Variants in PGAP1 observed in about 807,000 individuals in gnomAD.
PGAP1 encodes the protein post-GPI attachment to proteins inositol deacylase 1.
PGAP1 carries 76 observed loss-of-function variants against 127.0 expected under a neutral mutation model. The observed-to-expected ratio is 0.60, with a 90% CI of 0.50 to 0.72. The LOEUF is 0.72. PGAP1 is among the 30% of genes least tolerant of loss of function. PGAP1 has a pLI of 0.00. For synonymous variants in PGAP1, 362 were observed against 366.5 expected (o/e 0.99, Z 0.14); for missense variants, 982 against 1,071.3 (o/e 0.92, Z 1.16).
chr2:196,913,697 C>T (rs1487492080), intron 3 of PGAP1, among the ~76,000 whole-genome samples: 4 of 152,276 alleles, frequency 2.6e-5, no homozygotes, highest in East Asian at 1.9e-4. Flanking sequence ...TATGTACCAT[C>T]GCTTCTCAAT....
At position 196,873,599 on chromosome 2, in the gene PGAP1, A is replaced by G. The variant is rs2125800944; in HGVS notation, c.1501-20T>C. 6.2e-7 allele frequency: 1 copy of G among 1,607,470 alleles called. No homozygotes were observed. Among genetic ancestry groups the G allele is most frequent in the South Asian group, 1.1e-5 (1 of 90,766 alleles). On this transcript the variant is annotated intron_variant, in intron 15 of 26. Transcript: ENST00000354764. ...GTATATCTAATAGAGTTTGACCACA[A>G]AAACAAAATATAAAGGTTTACTTGT... is the stretch of plus-strand genomic sequence containing the variant.
chr2:196,850,425 C>T (rs1460993821), intron 20 of PGAP1, among the ~76,000 whole-genome samples: 1 of 152,142 alleles, frequency 6.6e-6, no homozygotes, highest in Non-Finnish European at 1.5e-5. Context: ...TCAGGCTCTA[C>T]ATTTTAAGAA....
chr2:196,902,621 T>C lies in PGAP1; in HGVS notation c.771A>G (p.Pro257=). The C allele has an allele frequency of 1.2e-6, 2 of 1,613,438 alleles. No homozygotes were observed. The highest frequency in any genetic ancestry group is 1.1e-5 in the South Asian group (1 of 90,850). Residue 257 remains proline, a synonymous_variant, in exon 5 of 27, where the codon CCA becomes CCG. Transcript: ENST00000354764. The part of the protein sequence containing the change: ...YQVRSGLTFL[P]KLSHHTSALS... ...AGGCACTGGTATGATGGCTTAATTT[T>C]GGTAGAAAAGTCAATCCTGAACGAA... is the stretch of plus-strand genomic sequence containing the variant.
At chr2:196,858,961 T>C (rs1700977584) in intron 20 of PGAP1, among the ~76,000 whole-genome samples, 1 of 152,002 alleles carries the variant, frequency 6.6e-6, no homozygotes, top group Non-Finnish European at 1.5e-5. Context: ...AAGAGACGGA[T>C]AAATTCTTGG....
chr2:196,888,990 T>C (rs950917618), intron 10 of PGAP1, among the ~76,000 whole-genome samples: 1 of 152,204 alleles, frequency 6.6e-6, no homozygotes, highest in Non-Finnish European at 1.5e-5. Flanking sequence ...AAATTCATTC[T>C]TATATTTTCT....
At chr2:196,901,591 T>TTAAC (rs1702492749) in intron 5 of PGAP1, among the ~76,000 whole-genome samples, 2 of 152,204 alleles carry the variant, frequency 1.3e-5, no homozygotes, top group Non-Finnish European at 2.9e-5. Context: ...AGCTAAGATC[T>TTAAC]TAACTGAAGA....
At position 196,920,063 on chromosome 2, in the gene PGAP1, T is replaced by G. The variant is rs1703138315; in HGVS notation, c.235A>C (p.Lys79Gln). The G allele has an allele frequency of 1.2e-6, 2 of 1,613,452 alleles. No homozygotes were observed. The highest frequency in any genetic ancestry group is 3.3e-5 in the Admixed American group (2 of 59,968). ...YGEGSYAEEH[K>Q]ILPLTGIPVL... ...GGAATACCCGTCAAAGGGAGAATTT[T>G]GTGTTCTTCAGCATAGGATCCCTCT... The change falls in exon 2 of 27, where the codon AAA becomes CAA. Residue 79 changes from lysine (K) to glutamine (Q), a missense_variant. Physicochemically the swap from Lys to Gln is moderately conservative, Grantham distance 53 (BLOSUM62 1). Transcript: ENST00000354764.
rs532047897 is a variant in PGAP1, at chr2:196,886,130, G to A, written c.1174-250C>T. 8.6e-5 allele frequency among the ~76,000 whole-genome samples: 13 copies of A among 150,918 alleles called. No individual in the cohort carries two copies. In the South Asian group the frequency reaches 2.3e-3, roughly 27 times the overall value. ...GCAGTTATCCTGGAGCCAAGAGTACGAGAAGGACTGCCCTGACTGGTTATC... is the reference window on the plus strand; with the variant it reads ...GCAGTTATCCTGGAGCCAAGAGTACAAGAAGGACTGCCCTGACTGGTTATC... On this transcript the variant is annotated intron_variant, in intron 10 of 26. Transcript: ENST00000354764.
Position 196,920,087 on chromosome 2 carries a change from C to T in PGAP1, c.211G>A (p.Glu71Lys), listed in dbSNP as rs1319741809. The change falls in exon 2 of 27, where the codon GAG becomes AAG. Residue 71 changes from glutamate to lysine, a missense_variant. By Grantham distance (56) the Glu-to-Lys change is moderately conservative. Transcript: ENST00000354764. ...YPAYELYLYG[E>K]GSYAEEHKIL... The stretch of plus-strand genomic sequence containing the variant: ...TTGTGTTCTTCAGCATAGGATCCCT[C>T]TCCATAAAGATACAACTCATATGCG... 4.3e-6 allele frequency: 7 copies of T among 1,613,396 alleles called. No homozygotes were observed. The highest frequency in any genetic ancestry group is 8.5e-7 in the Non-Finnish European group (1 of 1,179,542).
At chr2:196,856,481 C>T (rs1244496788) in intron 20 of PGAP1, among the ~76,000 whole-genome samples, 1 of 152,198 alleles carries the variant, frequency 6.6e-6, no homozygotes, top group Non-Finnish European at 1.5e-5. Flanking sequence ...CTAGATCCTG[C>T]ATTCTTCTAG....
At chr2:196,883,930 T>C (rs1701812402) in intron 12 of PGAP1, among the ~76,000 whole-genome samples, 1 of 152,190 alleles carries the variant, frequency 6.6e-6, no homozygotes, top group South Asian at 2.1e-4. Flanking sequence ...CTTCTCTCTT[T>C]CAGCATTTGC....
intron 7 of PGAP1, among the ~76,000 whole-genome samples, chr2:196,893,608 T>C (rs1038608967): frequency 3.3e-5 from 5 of 152,334 alleles, no homozygotes; most frequent in African/African-American, 1.2e-4. Flanking sequence ...TAAAAATGTA[T>C]AGAACCAGAA....
chr2:196,861,770 T>G (rs1398892299), intron 20 of PGAP1, among the ~76,000 whole-genome samples: 1 of 152,088 alleles, frequency 6.6e-6, no homozygotes, highest in Non-Finnish European at 1.5e-5. Context: ...TTCCCCAAAT[T>G]AATACTTTTA....
intron 1 of PGAP1, among the ~76,000 whole-genome samples, chr2:196,921,941 G>T (rs1703207562): frequency 1.3e-5 from 2 of 152,074 alleles, no homozygotes; most frequent in East Asian, 1.9e-4. Context: ...CACATTGACA[G>T]AAAAAGCATA....
In PGAP1 at chr2:196,847,899, T is replaced by C. The variant is rs550882632; in HGVS notation, c.1952+48A>G. 1.7e-5 allele frequency: 22 copies of C among 1,319,406 alleles called. No individual in the cohort carries two copies. The South Asian group carries it at 2.9e-4, about 17-fold the overall frequency. The allele number at this position is 1,319,406 out of a possible 1,614,324, so 81.7% of individuals were successfully genotyped here. ...TGCATTATGGAACCAAATATAATGT[T>C]ACATGTAAAACACAATTAAAATCAT... On this transcript the variant is annotated intron_variant, in intron 21 of 26. Coordinates refer to ENST00000354764, the MANE Select transcript of PGAP1 (RefSeq NM_024989.4).
intron 4 of PGAP1, among the ~76,000 whole-genome samples, chr2:196,905,762 AGCAGGGCGAG>A (rs1702686915): frequency 6.8e-6 from 1 of 146,066 alleles, no homozygotes; most frequent in Non-Finnish European, 1.5e-5. Flanking sequence ...CGCGAGCCGA[AGCAGGGCGAG>A]GCATTGCCTC....
chr2:196,842,709 A>G lies in PGAP1; in HGVS notation c.2630+12T>C. ...AACAGATATAAGAAAAAGAAAGATT[A>G]AACTACTGTACCTTGATTTTATTGA... On this transcript the variant is annotated intron_variant, in intron 26 of 26. Transcript: ENST00000354764. 7.1e-7 allele frequency: 1 copy of G among 1,398,890 alleles called. No individual in the cohort carries two copies. Among genetic ancestry groups the G allele is most frequent in the Non-Finnish European group, 9.8e-7 (1 of 1,020,596 alleles). 86.7% of individuals were successfully genotyped at this position (1,398,890 alleles called of 1,614,324 possible).
chr2:196,875,834 A>C lies in PGAP1; in HGVS notation c.1351-13T>G. The C allele has an allele frequency of 7.9e-7, 1 of 1,273,794 alleles. No individual in the cohort carries two copies. The highest frequency in any genetic ancestry group is 1.1e-6 in the Non-Finnish European group (1 of 886,576). The allele number at this position is 1,273,794 out of a possible 1,614,324, so 78.9% of individuals were successfully genotyped here. On this transcript the variant is annotated splice_polypyrimidine_tract_variant and intron_variant, in intron 13 of 26. Transcript: ENST00000354764. ...AATCTACAACAAACTGAAATATAAA[A>C]CATTGATTTATTAGAAAAAGTAAGT...
intron 19 of PGAP1, among the ~76,000 whole-genome samples, chr2:196,866,561 G>A (rs955877586): frequency 3.3e-5 from 5 of 152,122 alleles, no homozygotes; most frequent in Non-Finnish European, 7.4e-5. Flanking sequence ...ATAGGCATGG[G>A]CAAAGACTTC....
Sources: gnomAD v4.1 joint callset for allele counts (sites outside exome capture counted in the v4.1 genomes callset) on GRCh38, gnomAD v4.1.1 for gene constraint, MANE v1.5 for transcripts, NCBI Gene and HGNC (gene_info 2026-07-23, HGNC 2026-07-21) for gene names.